The following GPC6 variants were observed in gnomAD, a reference collection of about 807,000 sequenced individuals.
The protein encoded by GPC6 is glypican-6.
A neutral mutation model predicts 55.2 loss-of-function variants in GPC6; 14 were observed. That is an observed-to-expected ratio of 0.25 (90% CI 0.17 to 0.40). The LOEUF is 0.40. Among genes scored for constraint, GPC6 ranks in the 10% least tolerant of loss-of-function variants. The probability of loss-of-function intolerance (pLI) is 1.00; values close to 1 mark genes in which losing one functional copy is unlikely to be tolerated. For synonymous variants in GPC6, 278 were observed against 259.6 expected, an observed-to-expected ratio of 1.07 and a Z score of -0.68; for missense variants, 641 against 708.5, an observed-to-expected ratio of 0.90 and a Z score of 1.08.
intron 2 of GPC6, among the ~76,000 whole-genome samples, chr13:93,797,293 T>C (rs1162565937): frequency 2.6e-5 from 4 of 152,234 alleles, no homozygotes; most frequent in Non-Finnish European, 5.9e-5. Flanking sequence ...ATGTATAATT[T>C]CTTATGAATG....
intron 2 of GPC6, among the ~76,000 whole-genome samples, chr13:93,637,681 A>C (rs553692468): frequency 6.6e-6 from 1 of 152,242 alleles, no homozygotes; most frequent in East Asian, 1.9e-4. Context: ...AGTCATAATT[A>C]AATAATAAGG....
chr13:93,640,530 C>T (rs1879868586), intron 2 of GPC6, among the ~76,000 whole-genome samples: 1 of 151,932 alleles, frequency 6.6e-6, no homozygotes, highest in East Asian at 1.9e-4. Flanking sequence ...ATATTGCTTC[C>T]CATCATGGAA....
chr13:93,680,070 G>A (rs894800897), intron 2 of GPC6, among the ~76,000 whole-genome samples: 1 of 152,134 alleles, frequency 6.6e-6, no homozygotes, highest in Non-Finnish European at 1.5e-5. Flanking sequence ...CTTAAAATTT[G>A]TATGTTGAAG....
chr13:93,226,186 T>C (rs1875774417), upstream of GPC6, among the ~76,000 whole-genome samples: 1 of 152,136 alleles, frequency 6.6e-6, no homozygotes. Context: ...TCCCCCATTA[T>C]GTCCCTTTAT....
chr13:93,986,721 C>A (rs1412925730), intron 3 of GPC6, among the ~76,000 whole-genome samples: 2 of 152,136 alleles, frequency 1.3e-5, no homozygotes, highest in Non-Finnish European at 2.9e-5. Context: ...TCACCATTCT[C>A]TCACCCAGGA....
At chr13:93,862,451 T>C (rs1026640799) in intron 3 of GPC6, among the ~76,000 whole-genome samples, 8 of 151,596 alleles carry the variant, frequency 5.3e-5, no homozygotes, top group African/African-American at 1.9e-4. Flanking sequence ...AAGTATTGCA[T>C]CTGATTCAGC....
chr13:93,288,490 T>A (rs1161425293), intron 1 of GPC6, among the ~76,000 whole-genome samples: 1 of 152,186 alleles, frequency 6.6e-6, no homozygotes, highest in East Asian at 1.9e-4. Context: ...TCAGGGATTC[T>A]AATCTAAGGG....
chr13:94,179,651 CTGT>C (rs1888913959), intron 4 of GPC6, among the ~76,000 whole-genome samples: 1 of 152,138 alleles, frequency 6.6e-6, no homozygotes, highest in South Asian at 2.1e-4. Context: ...AATTTAACTG[CTGT>C]TCACAAGCTT....
At chr13:93,833,796 A>T (rs1386796093) in intron 3 of GPC6, among the ~76,000 whole-genome samples, 1 of 152,172 alleles carries the variant, frequency 6.6e-6, no homozygotes, top group African/African-American at 2.4e-5. Flanking sequence ...AATTATTTTT[A>T]AAACTTCTGC....
At chr13:93,691,808 T>C (rs972431668) in intron 2 of GPC6, among the ~76,000 whole-genome samples, 4 of 152,102 alleles carry the variant, frequency 2.6e-5, no homozygotes, top group Non-Finnish European at 5.9e-5. Context: ...TATGCCGTGA[T>C]ATATTGTTAA....
chr13:93,985,271 T>C (rs1276721777), intron 3 of GPC6, among the ~76,000 whole-genome samples: 1 of 152,014 alleles, frequency 6.6e-6, no homozygotes, highest in Non-Finnish European at 1.5e-5. Flanking sequence ...ACCCCGTCTC[T>C]ACTAAAAATG....
intron 1 of GPC6, among the ~76,000 whole-genome samples, chr13:93,424,817 C>G (rs1877062490): frequency 6.6e-6 from 1 of 152,104 alleles, no homozygotes; most frequent in African/African-American, 2.4e-5. Flanking sequence ...GAAGCCTTGA[C>G]TTCTGTGTCA....
chr13:93,720,236 A>G (rs965881560), intron 2 of GPC6, among the ~76,000 whole-genome samples: 1 of 151,872 alleles, frequency 6.6e-6, no homozygotes, highest in African/African-American at 2.4e-5. Flanking sequence ...TTACTGCCTC[A>G]ATTTCAGAAC....
intron 2 of GPC6, among the ~76,000 whole-genome samples, chr13:93,599,517 A>G (rs1877921852): frequency 6.6e-6 from 1 of 152,142 alleles, no homozygotes; most frequent in African/African-American, 2.4e-5. Flanking sequence ...TGTCTAAAAA[A>G]TGTGGAAAAG....
rs556655937 is a variant in GPC6 at position 93,613,514 on chromosome 13, A to G, written c.319+68093A>G. Among the ~76,000 whole-genome samples, 119 of 138,656 alleles carry G rather than the reference A, an allele frequency of 8.6e-4. 2 individuals are homozygous for G. The highest frequency in any genetic ancestry group is 3.6e-3 in the Middle Eastern group (1 of 276). 91.0% of individuals were successfully genotyped at this position (138,656 alleles called of 152,430 possible). ...TTCTCTGTGACAGACAAGCAAACACACACACACACACACAAAACACACACA... is the reference window on the plus strand; with the variant it reads ...TTCTCTGTGACAGACAAGCAAACACGCACACACACACACAAAACACACACA... On this transcript the variant is annotated intron_variant, in intron 2 of 8. Coordinates refer to ENST00000377047, the MANE Select transcript of GPC6 (RefSeq NM_005708.5).
At chr13:93,903,193 G>A (rs1876460299) in intron 3 of GPC6, among the ~76,000 whole-genome samples, 1 of 152,130 alleles carries the variant, frequency 6.6e-6, no homozygotes, top group African/African-American at 2.4e-5. Context: ...AAAAGCACAG[G>A]CAACAAAAGC....
chr13:93,410,447 G>A (rs955656727), intron 1 of GPC6, among the ~76,000 whole-genome samples: 1 of 152,078 alleles, frequency 6.6e-6, no homozygotes, highest in Admixed American at 6.6e-5. Context: ...TACTAATAGG[G>A]ATATTATGCC....
chr13:94,160,779 ATAAC>A (rs1357313973), intron 4 of GPC6, among the ~76,000 whole-genome samples: 1 of 152,230 alleles, frequency 6.6e-6, no homozygotes, highest in Non-Finnish European at 1.5e-5. Flanking sequence ...GGGACTCAAA[ATAAC>A]TAACCTAGAA....
intron 3 of GPC6, among the ~76,000 whole-genome samples, chr13:93,924,656 A>G (rs928032232): frequency 6.7e-6 from 1 of 150,020 alleles, no homozygotes; most frequent in Non-Finnish European, 1.5e-5. Flanking sequence ...TAATTGATAC[A>G]TTAGAGTGAT....
Sources: gnomAD v4.1 joint callset for allele counts (sites outside exome capture counted in the v4.1 genomes callset) on GRCh38, gnomAD v4.1.1 for gene constraint, MANE v1.5 for transcripts, NCBI Gene and HGNC (gene_info 2026-07-23, HGNC 2026-07-21) for gene names.